ST6GALNAC3: variants seen among roughly 807,000 people sequenced by gnomAD.
The protein encoded by ST6GALNAC3 is ST6 N-acetylgalactosaminide alpha-2,6-sialyltransferase 3, also known as alpha-N-acetylgalactosaminide alpha-2,6-sialyltransferase 3.
In ST6GALNAC3, 25 loss-of-function variants were observed where a neutral mutation model predicts 32.7. The observed-to-expected ratio is 0.76, with a 90% CI of 0.56 to 1.07. The LOEUF (loss-of-function observed/expected upper bound fraction) is 1.07. Ranked by LOEUF, ST6GALNAC3 falls within the 50% of genes least tolerant of loss-of-function variation. The probability of loss-of-function intolerance (pLI) is 0.00; values close to 1 mark genes in which losing one functional copy is unlikely to be tolerated. For synonymous variants in ST6GALNAC3, 129 were observed against 133.1 expected (o/e 0.97, Z 0.21); for missense variants, 355 against 382.4 (o/e 0.93, Z 0.60).
chr1:76,416,741 C>T (rs1654662306), intron 3 of ST6GALNAC3, among the ~76,000 whole-genome samples: 3 of 150,248 alleles, frequency 2.0e-5, no homozygotes, highest in South Asian at 4.2e-4. Flanking sequence ...GATTCCTCTG[C>T]CTCAGCCTCC....
chr1:76,299,939 G>A (rs1660632131), intron 1 of ST6GALNAC3, among the ~76,000 whole-genome samples: 1 of 151,972 alleles, frequency 6.6e-6, no homozygotes, highest in African/African-American at 2.4e-5. Flanking sequence ...AAGATACCAG[G>A]TTTCAACAAA....
intron 1 of ST6GALNAC3, among the ~76,000 whole-genome samples, chr1:76,290,194 CCT>C (rs769730681): frequency 3.3e-5 from 5 of 152,210 alleles, no homozygotes; most frequent in African/African-American, 1.2e-4. Flanking sequence ...AGGATTAACC[CCT>C]GTTAGCACTG....
At chr1:76,217,568 A>C (rs1048024979) in intron 1 of ST6GALNAC3, among the ~76,000 whole-genome samples, 2 of 152,148 alleles carry the variant, frequency 1.3e-5, no homozygotes, top group African/African-American at 4.8e-5. Context: ...GTTTGGTTAC[A>C]TGAATATCTT....
chr1:76,142,509 G>A (rs757496733), intron 1 of ST6GALNAC3, among the ~76,000 whole-genome samples: 12 of 152,154 alleles, frequency 7.9e-5, no homozygotes, highest in Non-Finnish European at 1.6e-4. Context: ...TTTCATGATA[G>A]GTGTGAAGTT....
At chr1:76,624,603 G>A (rs1205926500) in intron 3 of ST6GALNAC3, among the ~76,000 whole-genome samples, 1 of 151,864 alleles carries the variant, frequency 6.6e-6, no homozygotes. Flanking sequence ...CCTCTGTGAA[G>A]GGACCACATC....
chr1:76,378,581 G>C (rs550000016), intron 2 of ST6GALNAC3, among the ~76,000 whole-genome samples: 3 of 151,862 alleles, frequency 2.0e-5, no homozygotes, highest in Non-Finnish European at 4.4e-5. Flanking sequence ...AGAATTGCTT[G>C]AACCCAGGAG....
chr1:76,098,196 G>A (rs1264701044), intron 1 of ST6GALNAC3, among the ~76,000 whole-genome samples: 1 of 152,184 alleles, frequency 6.6e-6, no homozygotes, highest in Non-Finnish European at 1.5e-5. Context: ...TGGACGGGAA[G>A]AATTTGTATC....
chr1:76,313,529 C>T (rs1054864175), intron 1 of ST6GALNAC3: 6 of 469,800 alleles, frequency 1.3e-5, no homozygotes, highest in African/African-American at 9.9e-5. Flanking sequence ...GTTTTGCAAA[C>T]TGAATAGGAG....
chr1:76,610,877 G>A (rs1057031076), intron 3 of ST6GALNAC3, among the ~76,000 whole-genome samples: 3 of 152,078 alleles, frequency 2.0e-5, no homozygotes, highest in Admixed American at 6.6e-5. Flanking sequence ...ATTAAAAAGC[G>A]AAATACCTTA....
chr1:76,247,667 T>TC (rs1353607107), intron 1 of ST6GALNAC3, among the ~76,000 whole-genome samples: 1 of 151,998 alleles, frequency 6.6e-6, no homozygotes, highest in Non-Finnish European at 1.5e-5. Context: ...CCGATGCCCC[T>TC]CCCCCTAGCA....
intron 1 of ST6GALNAC3, among the ~76,000 whole-genome samples, chr1:76,181,030 A>G (rs565761077): frequency 9.2e-5 from 14 of 152,270 alleles, no homozygotes; most frequent in East Asian, 5.8e-4. Context: ...CATACACCCA[A>G]CTGGGCTCCG....
At chr1:76,459,122 G>A (rs1197396460) in intron 3 of ST6GALNAC3, among the ~76,000 whole-genome samples, 1 of 152,068 alleles carries the variant, frequency 6.6e-6, no homozygotes, top group Admixed American at 6.6e-5. Flanking sequence ...CCCTGTTTAA[G>A]TTTTATAGAA....
intron 3 of ST6GALNAC3, among the ~76,000 whole-genome samples, chr1:76,564,531 C>T (rs867014157): frequency 6.7e-6 from 1 of 149,878 alleles, no homozygotes; most frequent in Non-Finnish European, 1.5e-5. Flanking sequence ...TTGGTGATAT[C>T]AAAAGACAAC....
chr1:76,573,090 G>C (rs145575375), intron 3 of ST6GALNAC3, among the ~76,000 whole-genome samples: 1 of 152,140 alleles, frequency 6.6e-6, no homozygotes, highest in Non-Finnish European at 1.5e-5. Context: ...GGGGAAATAG[G>C]CTTAATCATT....
chr1:76,459,214 A>C (rs1196738887), intron 3 of ST6GALNAC3, among the ~76,000 whole-genome samples: 7 of 152,190 alleles, frequency 4.6e-5, no homozygotes, highest in Admixed American at 4.6e-4. Flanking sequence ...ATGATCTGAC[A>C]AATTAAATAG....
intron 2 of ST6GALNAC3, among the ~76,000 whole-genome samples, chr1:76,323,843 A>G (rs1161743869): frequency 3.3e-5 from 5 of 152,160 alleles, no homozygotes; most frequent in African/African-American, 9.7e-5. Context: ...TACAATGAGC[A>G]CATATTGTAT....
At chr1:76,173,518 C>A (rs1339647540) in intron 1 of ST6GALNAC3, among the ~76,000 whole-genome samples, 1 of 152,078 alleles carries the variant, frequency 6.6e-6, no homozygotes, top group African/African-American at 2.4e-5. Flanking sequence ...TTCTGCACAG[C>A]AAAAGAAACT....
At chr1:76,621,737 A>G (rs1394497783) in intron 3 of ST6GALNAC3, among the ~76,000 whole-genome samples, 1 of 151,998 alleles carries the variant, frequency 6.6e-6, no homozygotes, top group East Asian at 1.9e-4. Context: ...GTATTCTTTC[A>G]TTATCCATGT....
chr1:76,180,561 A>G (rs1363705036), intron 1 of ST6GALNAC3, among the ~76,000 whole-genome samples: 2 of 152,014 alleles, frequency 1.3e-5, no homozygotes, highest in Non-Finnish European at 1.5e-5. Flanking sequence ...CATGCCCCCT[A>G]TCCTATACCC....
Sources: allele counts gnomAD v4.1 joint callset (sites outside exome capture counted in the v4.1 genomes callset), GRCh38; gene constraint gnomAD v4.1.1; transcripts MANE v1.5; gene names NCBI Gene and HGNC (gene_info 2026-07-23, HGNC 2026-07-21).